The following GRM4 variants were observed in gnomAD, a reference collection of about 807,000 sequenced individuals.
The protein encoded by GRM4 is glutamate metabotropic receptor 4, also known as metabotropic glutamate receptor 4.
In GRM4, 28 loss-of-function variants were observed where a neutral mutation model predicts 81.7. The observed-to-expected ratio is 0.34, with a 90% CI of 0.25 to 0.47. The LOEUF (loss-of-function observed/expected upper bound fraction) is 0.47. Ranked by LOEUF, GRM4 falls within the 20% of genes least tolerant of loss-of-function variation. The pLI is 1.00. For missense variants in GRM4, 948 were observed against 1,290.0 expected, an observed-to-expected ratio of 0.73 and a Z score of 4.06; for synonymous variants, 488 against 528.8, an observed-to-expected ratio of 0.92 and a Z score of 1.06.
rs750684981 is a variant in GRM4 at position 34,058,988 on chromosome 6, C to T, written c.1013G>A (p.Arg338Lys). 1 of 1,613,084 alleles carries T rather than the reference C, an allele frequency of 6.2e-7. No individual in the cohort carries two copies. The highest frequency in any genetic ancestry group is 2.2e-5 in the East Asian group (1 of 44,882). Residue 338 changes from arginine (R) to lysine (K), a missense_variant, in exon 5 of 11, where the codon AGG becomes AAG. Physicochemically the swap from Arg to Lys is conservative, Grantham distance 26. Coordinates refer to ENST00000538487, the MANE Select transcript of GRM4 (RefSeq NM_000841.4). ...CCCAGCCTTACCTCGTACGGACATC[C>T]TCTTGGGGAGGATCGTGACAGCACC... Reference protein sequence around the residue: ...AEGAVTILPKRMSVRGFDRYF... With the variant: ...AEGAVTILPKKMSVRGFDRYF...
chr6:34,036,384 T>C lies in GRM4; in HGVS notation c.1726A>G (p.Ile576Val), dbSNP rs1376307470. ...PTENRTGCRP[I>V]PIIKLEWGSP... ...CCCCACTCAAGCTTGATGATGGGGATGGGCCGGCAGCCCGTGCGGTTCTCT... is the reference window on the plus strand; with the variant it reads ...CCCCACTCAAGCTTGATGATGGGGACGGGCCGGCAGCCCGTGCGGTTCTCT... Residue 576 changes from isoleucine (I) to valine (V), a missense_variant, in exon 9 of 11, where the codon ATC becomes GTC. Coordinates refer to ENST00000538487, the MANE Select transcript of GRM4 (RefSeq NM_000841.4). This position sits in a 1 kb window ranked among gnomAD's most constrained non-coding sequence, Gnocchi z 9.0. 6.2e-7 allele frequency: 1 copy of C among 1,611,934 alleles called. No individual in the cohort carries two copies. The highest frequency in any genetic ancestry group is 8.5e-7 in the Non-Finnish European group (1 of 1,178,542).
intron 2 of GRM4, 60 bp downstream of exon 2, chr6:34,132,918 G>A: frequency 7.1e-7 from 1 of 1,416,006 alleles, no homozygotes; most frequent in South Asian, 1.4e-5. Flanking sequence ...GCACCCTGAA[G>A]TGGGGCGGGC....
In GRM4 at chr6:34,021,372, C is replaced by A. The variant is rs1268529663; in HGVS notation, c.*1449G>T. On this transcript the variant is annotated 3_prime_UTR_variant, in exon 11 of 11. Transcript: ENST00000538487. The surrounding 1 kb of genome is among the most constrained non-coding windows in gnomAD (Gnocchi z 5.3). ...AGGACAGACACACATCTTCTTAGCA[C>A]CCGAGCCTGGAGCCAACACAAGCAG... 6.6e-6 allele frequency: 1 copy of A among 152,038 alleles called. No individual in the cohort carries two copies. Among genetic ancestry groups the A allele is most frequent in the African/African-American group, 2.4e-5 (1 of 41,358 alleles). The allele number at this position is 152,038 out of a possible 1,614,324, so 9.4% of individuals were successfully genotyped here. A position where few individuals can be genotyped will look rare whatever the true frequency, so the allele number is the denominator to read the frequency against.
intron 3 of GRM4, chr6:34,063,321 G>C (rs1289335060): frequency 1.3e-5 from 2 of 152,436 alleles, no homozygotes; most frequent in Non-Finnish European, 2.9e-5. Flanking sequence ...CCAGCACCCA[G>C]CTCCACCCAT....
intron 10 of GRM4, chr6:34,024,627 G>A (rs1439225230): frequency 2.2e-6 from 1 of 455,678 alleles, no homozygotes; most frequent in Non-Finnish European, 4.4e-6. Flanking sequence ...GGACCAGTAG[G>A]GAGGCATGAA....
In GRM4 at chr6:34,080,560, G is replaced by A. The variant is rs570026367; in HGVS notation, c.736+11323C>T. ...GTGGAGGAAAGGGATGCAAAGGCTG[G>A]AGGGCAGAAGGAAAAAAATGGCCAC... is the stretch of plus-strand genomic sequence containing the variant. On this transcript the variant is annotated intron_variant, in intron 3 of 10. Coordinates refer to ENST00000538487, the MANE Select transcript of GRM4 (RefSeq NM_000841.4). This position sits in a 1 kb window ranked among gnomAD's most constrained non-coding sequence, Gnocchi z 5.4. Among the ~76,000 whole-genome samples the A allele has an allele frequency of 4.6e-5, 7 of 152,248 alleles. No individual in the cohort carries two copies. Among genetic ancestry groups the A allele is most frequent in the African/African-American group, 1.7e-4 (7 of 41,534 alleles).
rs915654757 is a variant in GRM4, at chr6:34,115,242, G to A, written c.519+17736C>T. On this transcript the variant is annotated intron_variant, in intron 2 of 10. Transcript: ENST00000538487. This position sits in a 1 kb window ranked among gnomAD's most constrained non-coding sequence, Gnocchi z 4.1. Reference sequence around the variant, plus strand: ...ACAGCTTGCATGTGTGCGTGCGTGCGTGTATGCGTGTGTGTGTGTGTGCAT... The same window carrying A: ...ACAGCTTGCATGTGTGCGTGCGTGCATGTATGCGTGTGTGTGTGTGTGCAT... 8.0e-5 allele frequency among the ~76,000 whole-genome samples: 12 copies of A among 150,266 alleles called. No homozygotes were observed. The highest frequency in any genetic ancestry group is 2.1e-4 in the South Asian group (1 of 4,832).
In GRM4 at chr6:34,145,999, C is replaced by T. The variant is rs1302784056; in HGVS notation, c.-364+1G>A. ...CCCCGTGCGCGTGCCAGCTCACCTA[C>T]CCCGAGGACATGGCGGGGACCCCTT... is the stretch of plus-strand genomic sequence containing the variant. On this transcript the variant is annotated splice_donor_variant, in intron 1 of 10. Coordinates refer to ENST00000538487, the MANE Select transcript of GRM4 (RefSeq NM_000841.4). LOFTEE classifies it low-confidence loss of function (5UTR_SPLICE). The T allele has an allele frequency of 1.0e-6, 1 of 985,224 alleles. No homozygotes were observed. The highest frequency in any genetic ancestry group is 1.8e-5 in the African/African-American group (1 of 57,096). The allele number at this position is 985,224 out of a possible 1,614,324, so 61.0% of individuals were successfully genotyped here.
At chr6:34,084,542 C>T (rs1337527611) in intron 3 of GRM4, among the ~76,000 whole-genome samples, 2 of 152,144 alleles carry the variant, frequency 1.3e-5, no homozygotes, top group Admixed American at 1.3e-4. Flanking sequence ...GCCTCAATGG[C>T]AAGGGGACCC....
intron 2 of GRM4, among the ~76,000 whole-genome samples, chr6:34,125,525 C>T (rs1011031531): frequency 7.9e-5 from 12 of 152,234 alleles, no homozygotes; most frequent in Admixed American, 7.2e-4. Flanking sequence ...TCCAATGCTC[C>T]CCGAACTCCC....
rs900543586 is a variant in GRM4, at chr6:34,047,442, G to A, written c.1169-6694C>T. Among the ~76,000 whole-genome samples, 1 of 152,068 alleles carries A rather than the reference G, an allele frequency of 6.6e-6. No homozygotes were observed. The highest frequency in any genetic ancestry group is 1.5e-5 in the Non-Finnish European group (1 of 68,020). ...CTTCTGTCCCTCAAGTCCTGTTCCC[G>A]AGTCCAGGCTCACCATCCCACAAGC... On this transcript the variant is annotated intron_variant, in intron 6 of 10. Transcript: ENST00000538487. This position sits in a 1 kb window ranked among gnomAD's most constrained non-coding sequence, Gnocchi z 4.5.
At chr6:34,026,438 G>T (rs368119575) in intron 10 of GRM4, among the ~76,000 whole-genome samples, 164 of 152,242 alleles carry the variant, frequency 1.1e-3, no homozygotes, top group African/African-American at 3.8e-3. Flanking sequence ...GACTTTCAGA[G>T]GGGAGGATGC....
chr6:34,055,857 C>G (rs1243778352), intron 6 of GRM4: 1 of 152,286 alleles, frequency 6.6e-6, no homozygotes, highest in Non-Finnish European at 1.5e-5. Context: ...ATCACTGCCC[C>G]TCCCCTGTGC....
chr6:34,140,710 C>G (rs567393881), intron 1 of GRM4, among the ~76,000 whole-genome samples: 3 of 152,342 alleles, frequency 2.0e-5, no homozygotes, highest in Non-Finnish European at 2.9e-5. Flanking sequence ...TCCCTACATG[C>G]CGCCATCTCT....
Position 34,061,966 on chromosome 6 carries a change from T to C in GRM4, c.799A>G (p.Lys267Glu). 1 of 1,614,052 alleles carries C rather than the reference T, an allele frequency of 6.2e-7. No homozygotes were observed. Among genetic ancestry groups the C allele is most frequent in the Non-Finnish European group, 8.5e-7 (1 of 1,179,894 alleles). Residue 267 changes from lysine (K) to glutamate (E), a missense_variant, in exon 4 of 11, where the codon AAG (lysine) becomes GAG (glutamate). By Grantham distance (56) the Lys-to-Glu change is moderately conservative. Transcript: ENST00000538487. ...PREPKAGEFD[K>E]IIRRLLETSN... is the part of the protein sequence containing the mutation. Reference sequence around the variant, plus strand: ...GTCTCCAGGAGGCGGCGGATGATCTTGTCGAACTCGCCTGCCTTGGGCTCC... The same window carrying C: ...GTCTCCAGGAGGCGGCGGATGATCTCGTCGAACTCGCCTGCCTTGGGCTCC...
rs1267422383 is a variant in GRM4 at position 34,074,324 on chromosome 6, C to T, written c.737-12296G>A. ...TATGAACCCTGTCCCCGAGACATAG[C>T]AGGGTTGCGGTGAGGATTAGAGCGG... is the stretch of plus-strand genomic sequence containing the variant. On this transcript the variant is annotated intron_variant, in intron 3 of 10. Coordinates refer to ENST00000538487, the MANE Select transcript of GRM4 (RefSeq NM_000841.4). This position sits in a 1 kb window ranked among gnomAD's most constrained non-coding sequence, Gnocchi z 4.9. Among the ~76,000 whole-genome samples, 1 of 152,232 alleles carries T rather than the reference C, an allele frequency of 6.6e-6. No homozygotes were observed. Among genetic ancestry groups the T allele is most frequent in the African/African-American group, 2.4e-5 (1 of 41,452 alleles).
Position 34,114,807 on chromosome 6 carries a change from C to T in GRM4, c.519+18171G>A, listed in dbSNP as rs1205736688. On this transcript the variant is annotated intron_variant, in intron 2 of 10. Transcript: ENST00000538487. The surrounding 1 kb of genome is among the most constrained non-coding windows in gnomAD (Gnocchi z 4.3). ...CCCCAGTTTGAGCTGTGGCAAATCA[C>T]ATGCCCATCACACCTCCCCATCCAG... Among the ~76,000 whole-genome samples the T allele has an allele frequency of 6.6e-6, 1 of 152,186 alleles. No homozygotes were observed. Among genetic ancestry groups the T allele is most frequent in the East Asian group, 1.9e-4 (1 of 5,192 alleles).
At chr6:34,101,109 T>A (rs1768813723) in intron 2 of GRM4, among the ~76,000 whole-genome samples, 1 of 152,246 alleles carries the variant, frequency 6.6e-6, no homozygotes, top group South Asian at 2.1e-4. Context: ...AGGGCATGGA[T>A]GTGTCAAGTT....
chr6:34,092,302 C>T lies in GRM4; in HGVS notation c.520-203G>A, dbSNP rs896956896. Among the ~76,000 whole-genome samples, 1 of 152,188 alleles carries T rather than the reference C, an allele frequency of 6.6e-6. No homozygotes were observed. The highest frequency in any genetic ancestry group is 2.4e-5 in the African/African-American group (1 of 41,440). On this transcript the variant is annotated intron_variant, in intron 2 of 10. Coordinates refer to ENST00000538487, the MANE Select transcript of GRM4 (RefSeq NM_000841.4). This position sits in a 1 kb window ranked among gnomAD's most constrained non-coding sequence, Gnocchi z 6.8. ...GGTCCCCAAAGACACCCCAACCACA[C>T]ACAGATACACACACAGGCACACACA... is the stretch of plus-strand genomic sequence containing the variant.
Sources: gnomAD v4.1 joint callset for allele counts (sites outside exome capture counted in the v4.1 genomes callset) on GRCh38, gnomAD v4.1.1 for gene constraint, Gnocchi (gnomAD v3.1) non-coding constraint, MANE v1.5 for transcripts, NCBI Gene and HGNC (gene_info 2026-07-23, HGNC 2026-07-21) for gene names.